Variants in DSPP observed in about 807,000 individuals in gnomAD.
DSPP encodes the protein dentin sialophosphoprotein, also known as deafness, autosomal dominant 39.
Under a neutral mutation model 29.1 loss-of-function variants are expected in DSPP, and 28 were observed. The observed-to-expected ratio is 0.96, with a 90% CI of 0.71 to 1.32. The LOEUF (loss-of-function observed/expected upper bound fraction) is 1.32. Ranked by LOEUF, DSPP falls within the 40% of genes most tolerant of loss-of-function variation. The pLI is 0.00. For synonymous variants in DSPP, 481 were observed against 503.4 expected, an observed-to-expected ratio of 0.96 and a Z score of 0.60; for missense variants, 1,281 against 1,629.9, an observed-to-expected ratio of 0.79 and a Z score of 3.69.
chr4:87,614,482 G>A lies in DSPP; in HGVS notation c.1820G>A (p.Ser607Asn), dbSNP rs1727811814. 2.6e-6 allele frequency: 4 copies of A among 1,551,680 alleles called. No homozygotes were observed. The highest frequency in any genetic ancestry group is 3.5e-6 in the Non-Finnish European group (4 of 1,146,994). ...DSSNSSDSSD[S>N]SDSSDSSDSS... is the part of the protein sequence containing the mutation. ...AGCAATAGCAGTGACAGTAGTGACA[G>A]CAGTGATAGCAGTGACAGTAGTGAT... The change falls in exon 5 of 5, where the codon AGC (serine) becomes AAC (asparagine). Residue 607 changes from serine to asparagine, a missense_variant. By Grantham distance (46) the Ser-to-Asn change is conservative. Transcript: ENST00000651931.
intron 4 of DSPP, 34 bp downstream of exon 4, chr4:87,613,342 G>A (rs752345997): frequency 1.2e-6 from 2 of 1,609,082 alleles, no homozygotes; most frequent in African/African-American, 2.7e-5. Flanking sequence ...TTCAATGGCA[G>A]TTTAAATTCT....
Position 87,615,732 on chromosome 4 carries a change from A to G in DSPP, c.3070A>G (p.Ser1024Gly). The stretch of plus-strand genomic sequence containing the variant: ...CAGTAATAGTAGTGACAGCAGCAAT[A>G]GCAGTGACAGCAGCAACAGCAGTGA... ...DSSNSSDSSNSSDSSNSSDSS... is the reference protein window; with the variant it reads ...DSSNSSDSSNGSDSSNSSDSS... Residue 1024 changes from serine to glycine, a missense_variant, in exon 5 of 5, where the codon AGC becomes GGC. Around this residue, in one of 4 missense-constraint regions of DSPP, gnomAD observed 72 missense variants for 190.3 expected, o/e 0.38. Coordinates refer to ENST00000651931, the MANE Select transcript of DSPP (RefSeq NM_014208.3). The G allele has an allele frequency of 8.1e-6, 1 of 123,044 alleles. No homozygotes were observed. The highest frequency in any genetic ancestry group is 1.4e-5 in the Non-Finnish European group (1 of 70,890). The allele number at this position is 123,044 out of a possible 1,614,324, so 7.6% of individuals were successfully genotyped here.
chr4:87,615,199 ATAG>A lies in DSPP; in HGVS notation c.2538_2540del (p.Ser848del). 6 of 1,515,342 alleles carry A rather than the reference ATAG, an allele frequency of 4.0e-6. No homozygotes were observed. The highest frequency in any genetic ancestry group is 5.3e-6 in the Non-Finnish European group (6 of 1,124,190). The allele number at this position is 1,515,342 out of a possible 1,614,324, so 93.9% of individuals were successfully genotyped here. On this transcript the variant is annotated inframe_deletion, in exon 5 of 5. Coordinates refer to ENST00000651931, the MANE Select transcript of DSPP (RefSeq NM_014208.3). ...AGCAGTGATAGCAGCGACAGCAGCG[ATAG>A]CAGTGACGGCAGTGATAGCGACAGC...
chr4:87,616,673 C>T lies in DSPP; in HGVS notation c.*105C>T, dbSNP rs1391400920. ...AGAAAGGGGAGAAATAAACATAAGA[C>T]GTATGTAAACAAAAACAACTGGGGG... On this transcript the variant is annotated 3_prime_UTR_variant, in exon 5 of 5. Transcript: ENST00000651931. 4.3e-5 allele frequency: 65 copies of T among 1,527,484 alleles called. No individual in the cohort carries two copies. The highest frequency in any genetic ancestry group is 2.0e-4 in the Admixed American group (10 of 49,916). 94.6% of individuals were successfully genotyped at this position (1,527,484 alleles called of 1,614,324 possible).
In DSPP at chr4:87,610,243, G is replaced by A. The variant is rs142496113; in HGVS notation, c.-28-638G>A. 5.9e-5 allele frequency among the ~76,000 whole-genome samples: 9 copies of A among 152,164 alleles called. No homozygotes were observed. The East Asian group carries it at 7.7e-4, about 13-fold the overall frequency. ...GATACCAAATACCCTTTGAAGTGGC[G>A]TCAGAGAGGGCTTCTCAGAGATAAT... On this transcript the variant is annotated intron_variant, in intron 1 of 4. Transcript: ENST00000651931.
At position 87,614,078 on chromosome 4, in the gene DSPP, T is replaced by C; in HGVS notation, c.1416T>C (p.Asn472=). ...ATCCCAATAGCAGTGATGAATCTAATGGCAATGATGATGCTAATTCAGAAA... is the reference window on the plus strand; with the variant it reads ...ATCCCAATAGCAGTGATGAATCTAACGGCAATGATGATGCTAATTCAGAAA... The part of the protein sequence containing the change: ...GDDPNSSDES[N]GNDDANSESD... Residue 472 remains asparagine (N), a synonymous_variant, in exon 5 of 5, where the codon AAT becomes AAC. Transcript: ENST00000651931. 1 of 1,614,220 alleles carries C rather than the reference T, an allele frequency of 6.2e-7. No homozygotes were observed. Among genetic ancestry groups the C allele is most frequent in the Non-Finnish European group, 8.5e-7 (1 of 1,180,038 alleles).
Position 87,614,898 on chromosome 4 carries a change from A to G in DSPP, c.2236A>G (p.Ser746Gly). 6.4e-7 allele frequency: 1 copy of G among 1,550,676 alleles called. No individual in the cohort carries two copies. Among genetic ancestry groups the G allele is most frequent in the Admixed American group, 2.0e-5 (1 of 50,918 alleles). ...CAGCAACAGCAGTGACAGCAGTGATAGCAGTGACAGCAGCAACAGCAGTGA... is the reference window on the plus strand; with the variant it reads ...CAGCAACAGCAGTGACAGCAGTGATGGCAGTGACAGCAGCAACAGCAGTGA... ...DSSNSSDSSD[S>G]SDSSNSSDSS... Residue 746 changes from serine (S) to glycine (G), a missense_variant, in exon 5 of 5, where the codon AGC (serine) becomes GGC (glycine). Coordinates refer to ENST00000651931, the MANE Select transcript of DSPP (RefSeq NM_014208.3).
At chr4:87,611,540 C>T (rs1173872277) in intron 2 of DSPP, among the ~76,000 whole-genome samples, 2 of 152,078 alleles carry the variant, frequency 1.3e-5, no homozygotes, top group East Asian at 3.8e-4. Flanking sequence ...ATTTTACTAG[C>T]CAGCCATCAT....
chr4:87,616,743 C>A lies in DSPP; in HGVS notation c.*175C>A. ...ATTCAGAACCAAGACCTAACTCCTG[C>A]AGAGACAGACTCTGAATGCATGACC... On this transcript the variant is annotated 3_prime_UTR_variant, in exon 5 of 5. Transcript: ENST00000651931. 3 of 974,260 alleles carry A rather than the reference C, an allele frequency of 3.1e-6. No homozygotes were observed. Among genetic ancestry groups the A allele is most frequent in the Non-Finnish European group, 4.6e-6 (3 of 658,078 alleles). The allele number at this position is 974,260 out of a possible 1,614,324, so 60.4% of individuals were successfully genotyped here.
rs1727869504 is a variant in DSPP at position 87,615,520 on chromosome 4, G to A, written c.2858G>A (p.Ser953Asn). The A allele has an allele frequency of 6.5e-7, 1 of 1,542,700 alleles. No homozygotes were observed. Among genetic ancestry groups the A allele is most frequent in the Non-Finnish European group, 8.8e-7 (1 of 1,140,632 alleles). Residue 953 changes from serine (S) to asparagine (N), a missense_variant, in exon 5 of 5, where the codon AGT (serine) becomes AAT (asparagine). By Grantham distance (46) the Ser-to-Asn change is conservative. Around this residue, in one of 4 missense-constraint regions of DSPP, gnomAD observed 444 missense variants for 611.4 expected, o/e 0.73. Transcript: ENST00000651931. The part of the protein sequence containing the change: ...DSSDSSDSSN[S>N]SDSSNSSDSS... ...AGTGATAGCAGTGACAGCAGTAATA[G>A]TAGTGACAGCAGCAATAGCAGTGAC...
chr4:87,613,089 TA>T lies in DSPP; in HGVS notation c.906del (p.Glu303AsnfsTer39). The T allele has an allele frequency of 6.2e-7, 1 of 1,614,078 alleles. No homozygotes were observed. Among genetic ancestry groups the T allele is most frequent in the Middle Eastern group, 1.6e-4 (1 of 6,062 alleles). On this transcript the variant is annotated frameshift_variant, in exon 4 of 5. Coordinates refer to ENST00000651931, the MANE Select transcript of DSPP (RefSeq NM_014208.3). LOFTEE classifies it high-confidence loss of function. ...GTAGCATAGGTCAAAATTCAGATAG[TA>T]AAGAATATTATGACCCTGAAGGCAA... is the stretch of plus-strand genomic sequence containing the variant. ...DSSIGQNSDS[K>X]EYYDPEGKED...
In DSPP at chr4:87,612,388, A is replaced by T. The variant is rs36094464; in HGVS notation, c.202A>T (p.Arg68Trp). The T allele has an allele frequency of 0.075, 121,236 of 1,613,918 alleles. 7,604 individuals are homozygous for T. The highest frequency in any genetic ancestry group is 0.32 in the African/African-American group (24,202 of 74,932). Residue 68 changes from arginine to tryptophan, a missense_variant, in exon 4 of 5, where the codon AGG becomes TGG. Physicochemically the swap from Arg to Trp is moderately radical, Grantham distance 101. Around this residue, in one of 4 missense-constraint regions of DSPP, gnomAD observed 631 missense variants for 643.2 expected, o/e 0.98. Transcript: ENST00000651931. ...CCTGGTGCATGAAGGTGATAGAGGA[A>T]GGCAAGAGAATACCCAAGATGGTCA... is the stretch of plus-strand genomic sequence containing the variant. ...GVLVHEGDRG[R>W]QENTQDGHKG...
At position 87,616,354 on chromosome 4, in the gene DSPP, G is replaced by A. The variant is rs1727951969; in HGVS notation, c.3692G>A (p.Ser1231Asn). 1 of 1,485,024 alleles carries A rather than the reference G, an allele frequency of 6.7e-7. No individual in the cohort carries two copies. Among genetic ancestry groups the A allele is most frequent in the Admixed American group, 2.1e-5 (1 of 46,810 alleles). The allele number at this position is 1,485,024 out of a possible 1,614,324, so 92.0% of individuals were successfully genotyped here. The change falls in exon 5 of 5, where the codon AGC (serine) becomes AAC (asparagine). Residue 1231 changes from serine (S) to asparagine (N), a missense_variant. This residue lies in a region of DSPP where 134 missense variants were observed against 185.0 expected (regional missense o/e 0.72). Transcript: ENST00000651931. ...AGTGACAGCAGCGACAGCAGTGACA[G>A]CAATGAAAGCAGCGACAGCAGTGAC... ...DSSDSSDSSD[S>N]NESSDSSDSS... is the part of the protein sequence containing the mutation.
chr4:87,615,767 TAGCAGTGACAGCAGCG>T lies in DSPP; in HGVS notation c.3107_3122del (p.Ser1036IlefsTer273). The stretch of plus-strand genomic sequence containing the variant: ...GCAGCAACAGCAGTGACAGCAGCGA[TAGCAGTGACAGCAGCG>T]ATAGCAGTGACAGCAGCGATAGCAG... On this transcript the variant is annotated frameshift_variant, in exon 5 of 5. Coordinates refer to ENST00000651931, the MANE Select transcript of DSPP (RefSeq NM_014208.3). LOFTEE classifies it low-confidence loss of function (END_TRUNC). The T allele has an allele frequency of 1.4e-6, 1 of 731,686 alleles. No individual in the cohort carries two copies. The highest frequency in any genetic ancestry group is 4.5e-5 in the East Asian group (1 of 22,318). 45.3% of individuals were successfully genotyped at this position (731,686 alleles called of 1,614,324 possible). A position where few individuals can be genotyped will look rare whatever the true frequency, so the allele number is the denominator to read the frequency against.
chr4:87,616,735 A>G lies in DSPP; in HGVS notation c.*167A>G. On this transcript the variant is annotated 3_prime_UTR_variant, in exon 5 of 5. Coordinates refer to ENST00000651931, the MANE Select transcript of DSPP (RefSeq NM_014208.3). ...ACAGTTGGATTCAGAACCAAGACCT[A>G]ACTCCTGCAGAGACAGACTCTGAAT... The G allele has an allele frequency of 9.1e-7, 1 of 1,095,274 alleles. No individual in the cohort carries two copies. Among genetic ancestry groups the G allele is most frequent in the East Asian group, 2.6e-5 (1 of 38,904 alleles). 67.8% of individuals were successfully genotyped at this position (1,095,274 alleles called of 1,614,324 possible).
rs1158575267 is a variant in DSPP at position 87,612,822 on chromosome 4, A to T, written c.636A>T (p.Glu212Asp). ...GTAGAAACGAGGGTAATACAAGTGAAATAACACCTCAGATCAACAGCAAGA... is the reference window on the plus strand; with the variant it reads ...GTAGAAACGAGGGTAATACAAGTGATATAACACCTCAGATCAACAGCAAGA... The part of the protein sequence containing the change: ...NSCRNEGNTS[E>D]ITPQINSKRN... Residue 212 changes from glutamate to aspartate, a missense_variant, in exon 4 of 5, where the codon GAA (glutamate) becomes GAT (aspartate). By Grantham distance (45) the Glu-to-Asp change is conservative. This residue lies in a region of DSPP where 631 missense variants were observed against 643.2 expected (regional missense o/e 0.98). Transcript: ENST00000651931. 1.9e-6 allele frequency: 3 copies of T among 1,614,070 alleles called. No homozygotes were observed. Among genetic ancestry groups the T allele is most frequent in the East Asian group, 4.5e-5 (2 of 44,894 alleles).
At position 87,615,662 on chromosome 4, in the gene DSPP, C is replaced by T. The variant is rs1380883503; in HGVS notation, c.3000C>T (p.Ser1000=). 1 of 1,539,532 alleles carries T rather than the reference C, an allele frequency of 6.5e-7. No homozygotes were observed. ...DSSDSSDSSD[S]SNSSDSSDSS... is the part of the protein sequence containing the mutation. ...GTGACAGCAGTGACAGCAGTGATAG[C>T]AGCAACAGCAGTGATAGCAGTGACA... The change falls in exon 5 of 5, where the codon AGC becomes AGT. Residue 1000 remains serine, a synonymous_variant. Transcript: ENST00000651931.
rs751149319 is a variant in DSPP, at chr4:87,615,491, CAGCAGTGAT to C, written c.2838_2846del (p.Asp949_Ser951del). On this transcript the variant is annotated inframe_deletion, in exon 5 of 5. Transcript: ENST00000651931. ...GCAGTGACAGCAGCAACAGCAGTGA[CAGCAGTGAT>C]AGCAGTGACAGCAGTAATAGTAGTG... is the stretch of plus-strand genomic sequence containing the variant. 3.4e-3 allele frequency: 5,247 copies of C among 1,550,580 alleles called. 165 individuals are homozygous for C. In the African/African-American group the frequency reaches 0.064, roughly 19 times the overall value.
chr4:87,609,558 T>C (rs998939231), intron 1 of DSPP, among the ~76,000 whole-genome samples: 7 of 152,244 alleles, frequency 4.6e-5, no homozygotes, highest in Non-Finnish European at 1.5e-5. Context: ...TAGCTGTTCT[T>C]GGCTTTCTGT....
Sources: gnomAD v4.1 joint callset for allele counts (sites outside exome capture counted in the v4.1 genomes callset) on GRCh38, gnomAD v4.1.1 for gene constraint, gnomAD v4.1.1 regional missense constraint, MANE v1.5 for transcripts, NCBI Gene and HGNC (gene_info 2026-07-23, HGNC 2026-07-21) for gene names.